Variants in BRCA1 observed in about 807,000 individuals in gnomAD.
BRCA1 encodes breast cancer type 1 susceptibility protein.
BRCA1 carries 140 observed loss-of-function variants against 173.7 expected under a neutral mutation model. The ratio of observed to expected loss-of-function variants is 0.81; its 90% CI spans 0.70 to 0.93. BRCA1 has a LOEUF of 0.93. Among genes scored for constraint, BRCA1 ranks in the 40% least tolerant of loss-of-function variants. The pLI, the probability that BRCA1 is intolerant of heterozygous loss-of-function variation, is 0.00. For missense variants in BRCA1, 1,983 were observed against 2,172.5 expected, an observed-to-expected ratio of 0.91 and a Z score of 1.73; for synonymous variants, 662 against 756.0, an observed-to-expected ratio of 0.88 and a Z score of 2.04.
intron 3 of BRCA1, among the ~76,000 whole-genome samples, chr17:43,108,317 AAC>A (rs1214728460): frequency 2.0e-5 from 3 of 150,034 alleles, no homozygotes; most frequent in South Asian, 4.4e-4. Context: ...CAGCCTGGGC[AAC>A]AGAGTGAGAT....
At chr17:43,098,442 T>C (rs989343415) in intron 7 of BRCA1, among the ~76,000 whole-genome samples, 3 of 152,076 alleles carry the variant, frequency 2.0e-5, no homozygotes, top group South Asian at 2.1e-4. Context: ...CATTGTAACC[T>C]CCGCCTCCCT....
upstream of BRCA1, among the ~76,000 whole-genome samples, chr17:43,127,140 G>A (rs374087794): frequency 7.5e-4 from 114 of 152,318 alleles, 3 homozygotes; most frequent in East Asian, 0.013. Flanking sequence ...GAGCCTCCCC[G>A]ACGGGCACCG....
At chr17:43,129,752 G>A (rs2055950164), upstream of BRCA1, among the ~76,000 whole-genome samples, 1 of 152,186 alleles carries the variant, frequency 6.6e-6, no homozygotes, top group Non-Finnish European at 1.5e-5. Context: ...GGGATTATAG[G>A]CGTGAGCCAC....
rs573450142 is a variant in BRCA1, at chr17:43,125,137, C to T, written c.-20+134G>A. 81 of 453,522 alleles carry T rather than the reference C, an allele frequency of 1.8e-4. 1 individual carries two copies. The highest frequency in any genetic ancestry group is 1.2e-3 in the South Asian group (80 of 64,310). 28.1% of individuals were successfully genotyped at this position (453,522 alleles called of 1,614,324 possible). On this transcript the variant is annotated intron_variant, in intron 1 of 22. Coordinates refer to ENST00000357654, the MANE Select transcript of BRCA1 (RefSeq NM_007294.4). ...GCCCCCCTCCCCAGGGTTCACAACG[C>T]CTTACGCCTCTCAGGTTCCGCCCCT... is the stretch of plus-strand genomic sequence containing the variant.
Position 43,093,144 on chromosome 17 carries a change from GT to G in BRCA1, c.2386del (p.Thr796GlnfsTer7), listed in dbSNP as rs398122657. 6.2e-7 allele frequency: 1 copy of G among 1,613,508 alleles called. No individual in the cohort carries two copies. The highest frequency in any genetic ancestry group is 8.5e-7 in the Non-Finnish European group (1 of 1,179,826). ...LEVSTLGKAK[T>X]EPNKCVSQCA... ...CTGACTCACACATTTATTTGGTTCT[GT>G]TTTTGCCTTCCCTAGAGTGCTAACT... On this transcript the variant is annotated frameshift_variant, in exon 10 of 23. Transcript: ENST00000357654. LOFTEE classifies it high-confidence loss of function.
chr17:43,134,220 T>C (rs2055996772), intron 1 of BRCA1, among the ~76,000 whole-genome samples: 1 of 152,210 alleles, frequency 6.6e-6, no homozygotes. Flanking sequence ...CATGGTCCAT[T>C]TGTGGAAACA....
chr17:43,135,421 C>T (rs2056010822), intron 1 of BRCA1, among the ~76,000 whole-genome samples: 1 of 152,198 alleles, frequency 6.6e-6, no homozygotes, highest in South Asian at 2.1e-4. Context: ...TGCACCCGCT[C>T]CTTTATTAGG....
At chr17:43,143,490 CT>C (rs2056094451) in intron 1 of BRCA1, among the ~76,000 whole-genome samples, 1 of 152,200 alleles carries the variant, frequency 6.6e-6, no homozygotes. Flanking sequence ...TGCTGCTGTT[CT>C]GCAGTTAGCA....
chr17:43,049,990 T>A, intron 20 of BRCA1: 1 of 398,340 alleles, frequency 2.5e-6, no homozygotes, highest in Admixed American at 4.4e-5. Context: ...CACTGAGAAA[T>A]CCTTGAGTGG....
At chr17:43,168,207 G>T (rs1446777415) in intron 1 of BRCA1, 7 of 420,530 alleles carry the variant, frequency 1.7e-5, no homozygotes, top group Non-Finnish European at 2.4e-5. Flanking sequence ...ATAGCATTAA[G>T]GACATTTTGT....
intron 1 of BRCA1, chr17:43,138,450 C>G: frequency 3.4e-6 from 2 of 595,542 alleles, no homozygotes; most frequent in Non-Finnish European, 6.0e-6. Context: ...AGGCCTCTGA[C>G]TTAGCTAGGT....
rs569681038 is a variant in BRCA1 at position 43,140,913 on chromosome 17, A to G, written c.-19-16798T>C. ...GTTTGCCCTAATCAGACATCGCCTT[A>G]TTTCATCATCCTTTAAAAAATGCTT... On this transcript the variant is annotated intron_variant, in intron 1 of 7. Coordinates refer to the BRCA1 transcript ENST00000634433. Among the ~76,000 whole-genome samples the G allele has an allele frequency of 2.0e-5, 3 of 152,206 alleles. No individual in the cohort carries two copies. In the South Asian group the frequency reaches 6.2e-4, roughly 32 times the overall value.
chr17:43,123,971 G>T (rs2055708596), intron 2 of BRCA1, 46 bp downstream of exon 2: 1 of 1,426,148 alleles, frequency 7.0e-7, no homozygotes, highest in Non-Finnish European at 9.9e-7. Context: ...TTGCATAGGA[G>T]ATAATCATAG....
chr17:43,167,810 AT>A (rs2056278127), intron 1 of BRCA1: 1 of 152,794 alleles, frequency 6.5e-6, no homozygotes, highest in Non-Finnish European at 1.5e-5. Flanking sequence ...CTCATTCATG[AT>A]TTATTTTGCC....
chr17:43,069,221 T>C (rs2052280571), intron 15 of BRCA1, among the ~76,000 whole-genome samples: 1 of 152,244 alleles, frequency 6.6e-6, no homozygotes, highest in African/African-American at 2.4e-5. Context: ...GATTAATTGC[T>C]GAAATCCCAG....
rs80357039 is a variant in BRCA1 at position 43,094,680 on chromosome 17, T to C, written c.851A>G (p.Gln284Arg). Residue 284 changes from glutamine (Q) to arginine (R), a missense_variant, in exon 10 of 23, where the codon CAG becomes CGG. Gln to Arg is a conservative substitution (Grantham distance 43). Transcript: ENST00000357654. ...GAGTAATAAACTGCTGTTCTCATGC[T>C]GTAATGAGCTGGCATGAGTATTTGT... ...CGTNTHASSL[Q>R]HENSSLLLTK... The C allele has an allele frequency of 1.2e-6, 2 of 1,614,018 alleles. No individual in the cohort carries two copies. The highest frequency in any genetic ancestry group is 1.7e-4 in the Middle Eastern group (1 of 6,060).
chr17:43,124,381 AGAG>A (rs1490227900), intron 1 of BRCA1, among the ~76,000 whole-genome samples: 1 of 152,208 alleles, frequency 6.6e-6, no homozygotes, highest in South Asian at 2.1e-4. Context: ...AGAAAGCTAC[AGAG>A]GAGTGACTGA....
In BRCA1 at chr17:43,122,970, T is replaced by C. The variant is rs146201713; in HGVS notation, c.80+1047A>G. Among the ~76,000 whole-genome samples the C allele has an allele frequency of 6.6e-4, 100 of 151,350 alleles. No homozygotes were observed. The Middle Eastern group carries it at 0.014, about 21-fold the overall frequency. ...TATTCAGGAGGCTCAGGCAGAAGAA[T>C]GGCATGAACCCGGGAGGCAGAGTTT... On this transcript the variant is annotated intron_variant, in intron 2 of 22. Coordinates refer to ENST00000357654, the MANE Select transcript of BRCA1 (RefSeq NM_007294.4).
intron 22 of BRCA1, 116 bp from the exon 23 acceptor site, chr17:43,045,918 G>T (rs2152643187): frequency 1.5e-6 from 2 of 1,300,554 alleles, no homozygotes; most frequent in Non-Finnish European, 2.1e-6. Flanking sequence ...TGAGGTAGAA[G>T]CTAATTTTTT....
Sources: allele counts gnomAD v4.1 joint callset (sites outside exome capture counted in the v4.1 genomes callset), GRCh38; gene constraint gnomAD v4.1.1; transcripts MANE v1.5; gene names NCBI Gene and HGNC (gene_info 2026-07-23, HGNC 2026-07-21).